The following DMD variants were observed in gnomAD, a reference collection of about 807,000 sequenced individuals.
DMD encodes the protein mutant dystrophin.
DMD carries 63 observed loss-of-function variants against 330.1 expected under a neutral mutation model. The ratio of observed to expected loss-of-function variants is 0.19; its 90% CI spans 0.16 to 0.24. The LOEUF is 0.24. Among genes scored for constraint, DMD ranks in the 10% least tolerant of loss-of-function variants. The probability of loss-of-function intolerance (pLI) is 1.00; values close to 1 mark genes in which losing one functional copy is unlikely to be tolerated. For synonymous variants in DMD, 1,223 were observed against 959.8 expected (o/e 1.27, Z -5.07); for missense variants, 3,344 against 2,684.1 (o/e 1.25, Z -5.43).
At chrX:33,159,100 T>G (rs183486217) in intron 1 of DMD, 37 of 112,044 alleles carry the variant, frequency 3.3e-4, no homozygotes, top group African/African-American at 1.1e-3. Flanking sequence ...CCAAAAATGA[T>G]AGCTAACATT....
chrX:32,914,939 G>T (rs780310595), intron 2 of DMD, among the ~76,000 whole-genome samples: 1 of 110,992 alleles, frequency 9.0e-6, no homozygotes, highest in East Asian at 2.8e-4. Context: ...GAAAACTGAG[G>T]CTCAGAGAAC....
chrX:32,245,560 C>A (rs1412715752), intron 43 of DMD, among the ~76,000 whole-genome samples: 9 of 85,081 alleles, frequency 1.1e-4, no homozygotes, highest in Non-Finnish European at 1.8e-4. Context: ...GGCAGTATGG[C>A]CATTTTCACG....
At chrX:31,803,441 T>G (rs2092155303) in intron 50 of DMD, among the ~76,000 whole-genome samples, 1 of 112,282 alleles carries the variant, frequency 8.9e-6, no homozygotes, top group Non-Finnish European at 1.9e-5. Context: ...AACGTACACA[T>G]AAAGTGTGAA....
chrX:32,734,879 A>T (rs201587945), intron 7 of DMD, among the ~76,000 whole-genome samples: 3 of 100,440 alleles, frequency 3.0e-5, no homozygotes, highest in Non-Finnish European at 4.0e-5. Flanking sequence ...CTCTCTCACC[A>T]CTCCTATTCA....
intron 52 of DMD, among the ~76,000 whole-genome samples, chrX:31,728,108 C>T (rs1396855445): frequency 1.8e-5 from 2 of 112,111 alleles, no homozygotes; most frequent in South Asian, 3.7e-4. Flanking sequence ...CTGCAAGCTC[C>T]GCCTCCCGGG....
chrX:32,586,456 T>G (rs1019186830), intron 13 of DMD, among the ~76,000 whole-genome samples: 11 of 108,525 alleles, frequency 1.0e-4, no homozygotes, highest in African/African-American at 3.7e-4. Flanking sequence ...AATATATATG[T>G]TTATATTATA....
intron 16 of DMD, among the ~76,000 whole-genome samples, chrX:32,552,897 T>C (rs889363077): frequency 1.8e-5 from 2 of 111,537 alleles, no homozygotes; most frequent in African/African-American, 6.5e-5. Flanking sequence ...ATGGCTATTA[T>C]TAAGAAGTCA....
intron 1 of DMD, among the ~76,000 whole-genome samples, chrX:33,108,881 A>AAAAAAAG (rs1201118214): frequency 2.0e-5 from 2 of 99,687 alleles, no homozygotes; most frequent in Non-Finnish European, 4.1e-5. Flanking sequence ...AAAAAAAAAA[A>AAAAAAAG]AAGAAGAAGA....
intron 54 of DMD, among the ~76,000 whole-genome samples, chrX:31,635,141 C>T (rs909621746): frequency 9.0e-6 from 1 of 111,648 alleles, no homozygotes; most frequent in African/African-American, 3.2e-5. Context: ...GAAAAAAATG[C>T]AGTTAACACT....
intron 1 of DMD, among the ~76,000 whole-genome samples, chrX:33,225,554 T>C (rs1166366880): frequency 9.0e-6 from 1 of 111,477 alleles, no homozygotes; most frequent in Non-Finnish European, 1.9e-5. Flanking sequence ...CTTTACACCT[T>C]ATGCAAAATA....
At chrX:32,733,030 G>C (rs2067925238) in intron 7 of DMD, among the ~76,000 whole-genome samples, 1 of 109,984 alleles carries the variant, frequency 9.1e-6, no homozygotes, top group South Asian at 3.8e-4. Flanking sequence ...CTCATGTGCA[G>C]AGACACACAT....
intron 7 of DMD, among the ~76,000 whole-genome samples, chrX:32,780,758 A>G (rs945457250): frequency 8.2e-5 from 9 of 109,981 alleles, no homozygotes; most frequent in Non-Finnish European, 1.3e-4. Context: ...ACACATATTA[A>G]TGACCCTCAC....
chrX:32,256,055 C>A (rs989144942), intron 43 of DMD, among the ~76,000 whole-genome samples: 1 of 110,965 alleles, frequency 9.0e-6, no homozygotes, highest in South Asian at 3.9e-4. Context: ...TTTTCTGTCT[C>A]GTTAATCTAA....
intron 1 of DMD, among the ~76,000 whole-genome samples, chrX:33,294,651 CTT>C (rs1281990407): frequency 1.8e-5 from 2 of 108,430 alleles, no homozygotes; most frequent in South Asian, 3.9e-4. Flanking sequence ...AAAAAAAAAA[CTT>C]TTGCCAAAAT....
At chrX:31,342,152 C>T (rs5927729) in intron 61 of DMD, among the ~76,000 whole-genome samples, 29,742 of 110,785 alleles carry the variant, frequency 0.27, 3,023 homozygotes, top group East Asian at 0.54. Context: ...AGTTAGGAAA[C>T]TCCACAGCAC....
At chrX:31,513,759 C>G (rs1056732813) in intron 55 of DMD, among the ~76,000 whole-genome samples, 1 of 111,377 alleles carries the variant, frequency 9.0e-6, no homozygotes, top group African/African-American at 3.3e-5. Flanking sequence ...ATACATGAAC[C>G]TTACTGTACA....
chrX:32,259,875 T>C (rs2097314743), intron 43 of DMD, among the ~76,000 whole-genome samples: 1 of 111,163 alleles, frequency 9.0e-6, no homozygotes, highest in South Asian at 3.8e-4. Context: ...ATAAGTAGAA[T>C]GCAATGTTCC....
intron 72 of DMD, 90 bp downstream of exon 72, chrX:31,173,449 A>T: frequency 9.4e-7 from 1 of 1,067,540 alleles, no homozygotes; most frequent in South Asian, 1.9e-5. Context: ...TGGGGAAAAA[A>T]AGAAAAGATT....
chrX:32,723,342 C>T (rs1288861963), intron 7 of DMD, among the ~76,000 whole-genome samples: 2 of 111,235 alleles, frequency 1.8e-5, no homozygotes, highest in African/African-American at 6.5e-5. Flanking sequence ...TGAGGACTTT[C>T]ACATCTATAT....
Sources: allele counts gnomAD v4.1 joint callset (sites outside exome capture counted in the v4.1 genomes callset), GRCh38; gene constraint gnomAD v4.1.1; transcripts MANE v1.5; gene names NCBI Gene and HGNC (gene_info 2026-07-23, HGNC 2026-07-21).